Variants in FAM124A observed in about 807,000 individuals in gnomAD.
The protein encoded by FAM124A is protein FAM124A.
A neutral mutation model predicts 24.5 loss-of-function variants in FAM124A; 23 were observed. The ratio of observed to expected loss-of-function variants is 0.94; its 90% CI spans 0.68 to 1.33. FAM124A has a LOEUF of 1.33. Among genes scored for constraint, FAM124A ranks in the 40% most tolerant of loss-of-function variants. FAM124A has a pLI of 0.00. For synonymous variants in FAM124A, 287 were observed against 314.7 expected, an observed-to-expected ratio of 0.91 and a Z score of 0.93; for missense variants, 623 against 722.8, an observed-to-expected ratio of 0.86 and a Z score of 1.58.
chr13:51,227,156 T>C (rs1017246459), intron 1 of FAM124A: 5 of 152,246 alleles, frequency 3.3e-5, no homozygotes, highest in African/African-American at 1.2e-4. Context: ...AGATCCTCTG[T>C]TGCTTTTAAA....
intron 3 of FAM124A, among the ~76,000 whole-genome samples, chr13:51,257,108 C>T (rs771499118): frequency 2.0e-5 from 3 of 152,194 alleles, no homozygotes; most frequent in Non-Finnish European, 2.9e-5. Flanking sequence ...GTTGCCTCCA[C>T]CTCTTGGCTA....
At chr13:51,239,944 G>T (rs1452987798) in intron 2 of FAM124A, among the ~76,000 whole-genome samples, 3 of 152,196 alleles carry the variant, frequency 2.0e-5, no homozygotes, top group African/African-American at 7.2e-5. Context: ...AATCTTTTCT[G>T]CTGCCCTCAC....
rs1399053233 is a variant in FAM124A, at chr13:51,283,839, G to A, written c.*2583G>A. The A allele has an allele frequency of 7.0e-6, 1 of 142,178 alleles. No homozygotes were observed. The highest frequency in any genetic ancestry group is 1.5e-5 in the Non-Finnish European group (1 of 66,150). 8.8% of individuals were successfully genotyped at this position (142,178 alleles called of 1,614,324 possible). ...GGCTCCTTCTTTCTCCCTAATCAGT[G>A]TCCTTATTTCAGTGTGCTCACATGC... On this transcript the variant is annotated 3_prime_UTR_variant, in exon 4 of 4. Transcript: ENST00000322475.
At chr13:51,252,512 G>T in intron 3 of FAM124A, 1 of 405,302 alleles carries the variant, frequency 2.5e-6, no homozygotes, top group South Asian at 7.8e-5. Flanking sequence ...TTTCAAATGA[G>T]CTTATAAGCT....
intron 2 of FAM124A, among the ~76,000 whole-genome samples, chr13:51,246,412 G>A (rs369992558): frequency 1.5e-5 from 2 of 135,060 alleles, no homozygotes; most frequent in East Asian, 2.2e-4. Context: ...GGTGGGGGGG[G>A]GTGTAACTCT....
rs1555273658 is a variant in FAM124A at position 51,246,399 on chromosome 13, T to TGGGCGG, written c.101-5066_101-5065insCGGGGG. 2.1e-3 allele frequency among the ~76,000 whole-genome samples: 192 copies of TGGGCGG among 91,294 alleles called. 7 individuals carry two copies. Among genetic ancestry groups the TGGGCGG allele is most frequent in the East Asian group, 3.2e-3 (11 of 3,462 alleles). The allele number at this position is 91,294 out of a possible 152,430, so 59.9% of individuals were successfully genotyped here. On this transcript the variant is annotated intron_variant, in intron 2 of 3. Coordinates refer to ENST00000322475, the MANE Select transcript of FAM124A (RefSeq NM_001242312.2). ...CAGCTCCACAGAGGCATGTTTCTCGTGGGGTGGGGGGGGGTGTAACTCTAA... is the reference window on the plus strand; with the variant it reads ...CAGCTCCACAGAGGCATGTTTCTCGTGGGCGGGGGGTGGGGGGGGGTGTAACTCTAA...
intron 3 of FAM124A, among the ~76,000 whole-genome samples, chr13:51,261,004 TTTAAA>T (rs1364981205): frequency 2.0e-5 from 3 of 152,198 alleles, no homozygotes. Context: ...ATATTTGTAG[TTTAAA>T]TTAATAACAG....
intron 3 of FAM124A, among the ~76,000 whole-genome samples, chr13:51,261,242 C>A (rs1362146885): frequency 2.6e-5 from 4 of 152,132 alleles, no homozygotes; most frequent in African/African-American, 9.7e-5. Flanking sequence ...AAGGAAGACA[C>A]CTGCGAACAG....
At chr13:51,222,927 C>T (rs1044455408) in intron 1 of FAM124A, among the ~76,000 whole-genome samples, 7 of 152,204 alleles carry the variant, frequency 4.6e-5, no homozygotes, top group Admixed American at 6.5e-5. Flanking sequence ...CCGGAGCCCC[C>T]TGGAGTCCGG....
chr13:51,229,728 A>G (rs1238102166), intron 1 of FAM124A, among the ~76,000 whole-genome samples: 1 of 152,218 alleles, frequency 6.6e-6, no homozygotes, highest in Non-Finnish European at 1.5e-5. Flanking sequence ...TTCCTGTTGC[A>G]TCTACCACAG....
At chr13:51,236,968 A>T (rs912556735) in intron 2 of FAM124A, among the ~76,000 whole-genome samples, 1 of 152,200 alleles carries the variant, frequency 6.6e-6, no homozygotes, top group African/African-American at 2.4e-5. Context: ...ATAAAGAACA[A>T]TTTTAGCTAT....
chr13:51,265,276 G>A (rs897405110), intron 3 of FAM124A, among the ~76,000 whole-genome samples: 10 of 152,236 alleles, frequency 6.6e-5, no homozygotes, highest in Non-Finnish European at 1.0e-4. Context: ...GTCTCTCACC[G>A]CCTCAACTTC....
In FAM124A at chr13:51,258,993, G is replaced by A. The variant is rs1954703989; in HGVS notation, c.834+6792G>A. On this transcript the variant is annotated intron_variant, in intron 3 of 3. Coordinates refer to ENST00000322475, the MANE Select transcript of FAM124A (RefSeq NM_001242312.2). The surrounding 1 kb of genome is among the most constrained non-coding windows in gnomAD (Gnocchi z 4.2). Reference sequence around the variant, plus strand: ...ATGGCCTGGGCAGGACGGGGCCGGGGCAGCCGTCAGGGTTCCGAGCTGCAT... The same window carrying A: ...ATGGCCTGGGCAGGACGGGGCCGGGACAGCCGTCAGGGTTCCGAGCTGCAT... Among the ~76,000 whole-genome samples the A allele has an allele frequency of 6.6e-6, 1 of 152,192 alleles. No homozygotes were observed. The highest frequency in any genetic ancestry group is 6.5e-5 in the Admixed American group (1 of 15,292).
At chr13:51,247,190 G>A (rs1489394999) in intron 2 of FAM124A, among the ~76,000 whole-genome samples, 3 of 152,252 alleles carry the variant, frequency 2.0e-5, no homozygotes, top group Non-Finnish European at 2.9e-5. Context: ...AGAGGGGCCA[G>A]GCGGGAGCTG....
chr13:51,281,545 TG>T lies in FAM124A; in HGVS notation c.*291del, dbSNP rs1954939876. On this transcript the variant is annotated 3_prime_UTR_variant, in exon 4 of 4. Transcript: ENST00000322475. Reference sequence around the variant, plus strand: ...GTTTAGTGGGTTTATACAATTTAAATGGCTTATATAATTATTTGAAATGAAA... The same window carrying T: ...GTTTAGTGGGTTTATACAATTTAAATGCTTATATAATTATTTGAAATGAAA... 2 of 265,650 alleles carry T rather than the reference TG, an allele frequency of 7.5e-6. No individual in the cohort carries two copies. The highest frequency in any genetic ancestry group is 4.5e-5 in the African/African-American group (2 of 44,926). 16.5% of individuals were successfully genotyped at this position (265,650 alleles called of 1,614,324 possible). A position where few individuals can be genotyped will look rare whatever the true frequency, so the allele number is the denominator to read the frequency against.
At chr13:51,257,911 A>T (rs1407472794) in intron 3 of FAM124A, among the ~76,000 whole-genome samples, 1 of 152,204 alleles carries the variant, frequency 6.6e-6, no homozygotes, top group Non-Finnish European at 1.5e-5. Flanking sequence ...TGGTTTTAAC[A>T]TAGTACCACA....
chr13:51,250,029 GA>G (rs1954602122), intron 2 of FAM124A, among the ~76,000 whole-genome samples: 1 of 152,222 alleles, frequency 6.6e-6, no homozygotes, highest in African/African-American at 2.4e-5. Context: ...GCATGAATAA[GA>G]GAGAAGACAG....
intron 2 of FAM124A, among the ~76,000 whole-genome samples, chr13:51,234,945 T>C (rs1307936520): frequency 6.6e-6 from 1 of 152,142 alleles, no homozygotes; most frequent in East Asian, 1.9e-4. Context: ...GGGGCAGGCA[T>C]GTGGACTGCT....
At chr13:51,243,530 T>G (rs989912610) in intron 2 of FAM124A, among the ~76,000 whole-genome samples, 22 of 152,150 alleles carry the variant, frequency 1.4e-4, no homozygotes, top group East Asian at 3.9e-4. Flanking sequence ...TGTTGGTTTT[T>G]TTTGTTTGTT....
Sources: allele counts gnomAD v4.1 joint callset (sites outside exome capture counted in the v4.1 genomes callset), GRCh38; gene constraint gnomAD v4.1.1; non-coding constraint Gnocchi (gnomAD v3.1); transcripts MANE v1.5; gene names NCBI Gene and HGNC (gene_info 2026-07-23, HGNC 2026-07-21).